Variants in LRRC7 observed in about 807,000 individuals in gnomAD.
LRRC7 encodes the protein leucine rich repeat containing 7.
A neutral mutation model predicts 175.7 loss-of-function variants in LRRC7; 23 were observed. The observed-to-expected ratio is 0.13, with a 90% confidence interval of 0.09 to 0.19. The LOEUF (loss-of-function observed/expected upper bound fraction) is 0.19, where lower values mean the gene tolerates loss of function less well. Among genes scored for constraint, LRRC7 ranks in the 10% least tolerant of loss-of-function variants. LRRC7 has a pLI of 1.00. For synonymous variants in LRRC7, 685 were observed against 680.9 expected, an observed-to-expected ratio of 1.01 and a Z score of -0.09; for missense variants, 1,354 against 1,904.7, an observed-to-expected ratio of 0.71 and a Z score of 5.38.
chr1:69,716,459 T>C (rs909572383), intron 2 of LRRC7, among the ~76,000 whole-genome samples: 1 of 151,902 alleles, frequency 6.6e-6, no homozygotes, highest in Admixed American at 6.6e-5. Context: ...ATTTAAATAC[T>C]GTATCCTCTC....
intron 2 of LRRC7, among the ~76,000 whole-genome samples, chr1:69,699,637 C>T (rs1475366716): frequency 6.6e-6 from 1 of 152,200 alleles, no homozygotes; most frequent in Non-Finnish European, 1.5e-5. Flanking sequence ...TCAGTAGCAT[C>T]TAGAAATTCA....
At chr1:69,881,593 G>A (rs1020541761) in intron 7 of LRRC7, among the ~76,000 whole-genome samples, 4 of 151,904 alleles carry the variant, frequency 2.6e-5, no homozygotes, top group African/African-American at 9.7e-5. Flanking sequence ...AAAATAAAAA[G>A]GCAGGCTGGG....
intron 7 of LRRC7, among the ~76,000 whole-genome samples, chr1:69,853,368 T>C (rs1683215911): frequency 7.1e-6 from 1 of 140,522 alleles, no homozygotes; most frequent in African/African-American, 2.6e-5. Context: ...AACCTCTACC[T>C]CCTGGGTTCA....
At chr1:69,704,162 T>C (rs1663732062) in intron 2 of LRRC7, among the ~76,000 whole-genome samples, 2 of 152,054 alleles carry the variant, frequency 1.3e-5, no homozygotes. Flanking sequence ...TTTTCTTTTC[T>C]TTTTTAACTT....
At chr1:69,862,606 A>G (rs1684473818) in intron 7 of LRRC7, among the ~76,000 whole-genome samples, 1 of 152,140 alleles carries the variant, frequency 6.6e-6, no homozygotes, top group South Asian at 2.1e-4. Flanking sequence ...TATTTGGAAA[A>G]TTTTCAGCAA....
In LRRC7 at chr1:70,076,215, T is replaced by C. The variant is rs1662765071; in HGVS notation, c.4369T>C (p.Ser1457Pro). The C allele has an allele frequency of 6.2e-7, 1 of 1,613,926 alleles. No homozygotes were observed. The highest frequency in any genetic ancestry group is 8.5e-7 in the Non-Finnish European group (1 of 1,179,976). The change falls in exon 24 of 27, where the codon TCA becomes CCA. Residue 1457 changes from serine to proline, a missense_variant. By Grantham distance (74) the Ser-to-Pro change is moderately conservative. Around this residue, in one of 4 missense-constraint regions of LRRC7, gnomAD observed 1,032 missense variants for 1,227.2 expected, o/e 0.84. Transcript: ENST00000651989. ...QSPLPIQIPS[S>P]QATRGPQPGR... ...ACCATTGCCTATTCAGATCCCCTCT[T>C]CACAGGCCACCCGGGGACCTCAGCC...
At chr1:69,781,268 G>A (rs1466544035) in intron 3 of LRRC7, among the ~76,000 whole-genome samples, 4 of 152,040 alleles carry the variant, frequency 2.6e-5, no homozygotes, top group Non-Finnish European at 5.9e-5. Context: ...GGGCTCACTG[G>A]ATCCTTGTCT....
chr1:69,701,314 A>T (rs1663321447), intron 2 of LRRC7, among the ~76,000 whole-genome samples: 1 of 152,100 alleles, frequency 6.6e-6, no homozygotes. Context: ...AATACTATTC[A>T]TAGAATATTG....
At chr1:69,934,413 A>G (rs1261657865) in intron 8 of LRRC7, among the ~76,000 whole-genome samples, 1 of 147,322 alleles carries the variant, frequency 6.8e-6, no homozygotes, top group Non-Finnish European at 1.5e-5. Context: ...TTCTAAACAA[A>G]GGGAATTATT....
chr1:70,043,989 C>T lies in LRRC7; in HGVS notation c.4005C>T (p.Gly1335=). 6.2e-7 allele frequency: 1 copy of T among 1,613,146 alleles called. No individual in the cohort carries two copies. Among genetic ancestry groups the T allele is most frequent in the Non-Finnish European group, 8.5e-7 (1 of 1,179,338 alleles). The part of the protein sequence containing the change: ...AAYKHNTVNL[G]MLPYGGISAM... ...ACAAACACAATACAGTTAACCTTGG[C>T]ATGCTGCCCTATGGAGGTATTTCAG... The change falls in exon 22 of 27, where the codon GGC becomes GGT. Residue 1335 remains glycine, a synonymous_variant. Transcript: ENST00000651989.
At chr1:70,052,901 C>T in intron 22 of LRRC7, 125 bp from the exon 23 acceptor site, 1 of 942,878 alleles carries the variant, frequency 1.1e-6, no homozygotes, top group Non-Finnish European at 1.5e-6. Flanking sequence ...ATTTGCAGTT[C>T]AGGATGTATG....
At chr1:69,970,078 C>T (rs1005766136) in intron 8 of LRRC7, among the ~76,000 whole-genome samples, 7 of 152,088 alleles carry the variant, frequency 4.6e-5, no homozygotes, top group African/African-American at 1.7e-4. Flanking sequence ...ATTCTTCGAA[C>T]TGAACAACAA....
chr1:69,697,830 T>A (rs1662808787), intron 2 of LRRC7, among the ~76,000 whole-genome samples: 1 of 152,128 alleles, frequency 6.6e-6, no homozygotes, highest in Non-Finnish European at 1.5e-5. Flanking sequence ...GAGGAGGTGG[T>A]TTAAGTGCAT....
Position 69,661,430 on chromosome 1 carries a change from G to T in LRRC7, c.3-16951G>T, listed in dbSNP as rs981966153. 8.5e-5 allele frequency among the ~76,000 whole-genome samples: 13 copies of T among 152,056 alleles called. No individual in the cohort carries two copies. The South Asian group carries it at 2.1e-3, about 24-fold the overall frequency. ...AACATCCCAGAAATTATAACCATGA[G>T]TGTGATCATGTTTTATTTTTCTCAT... On this transcript the variant is annotated intron_variant, in intron 1 of 26. Coordinates refer to ENST00000651989, the MANE Select transcript of LRRC7 (RefSeq NM_001370785.2).
intron 1 of LRRC7, among the ~76,000 whole-genome samples, chr1:69,626,330 G>T (rs914503139): frequency 2.0e-5 from 3 of 146,600 alleles, no homozygotes; most frequent in Admixed American, 6.9e-5. Context: ...CCTGGATCTT[G>T]ACCCCATATT....
intron 2 of LRRC7, among the ~76,000 whole-genome samples, chr1:69,731,459 C>T (rs1166729845): frequency 6.6e-6 from 1 of 152,104 alleles, no homozygotes; most frequent in South Asian, 2.1e-4. Flanking sequence ...GGAGATATAG[C>T]CCAACCATAT....
chr1:69,667,366 T>G (rs1013895311), intron 1 of LRRC7, among the ~76,000 whole-genome samples: 5 of 152,190 alleles, frequency 3.3e-5, no homozygotes, highest in African/African-American at 1.2e-4. Context: ...TTGTTGATTT[T>G]CTGTCTGGAA....
intron 3 of LRRC7, among the ~76,000 whole-genome samples, chr1:69,778,212 T>C (rs1051893234): frequency 6.6e-6 from 1 of 152,180 alleles, no homozygotes; most frequent in African/African-American, 2.4e-5. Context: ...GCCTCCATAT[T>C]ACCATGTATA....
intron 4 of LRRC7, among the ~76,000 whole-genome samples, chr1:69,808,297 C>A (rs12037833): frequency 0.13 from 20,162 of 151,516 alleles, 1,974 homozygotes; most frequent in East Asian, 0.49. Context: ...CATAAGACAC[C>A]TACACAATAA....
Sources: allele counts gnomAD v4.1 joint callset (sites outside exome capture counted in the v4.1 genomes callset), GRCh38; gene constraint gnomAD v4.1.1; regional missense constraint gnomAD v4.1.1; transcripts MANE v1.5; gene names NCBI Gene and HGNC (gene_info 2026-07-23, HGNC 2026-07-21).